CDH8: variants seen among roughly 807,000 people sequenced by gnomAD.
CDH8 encodes the protein cadherin-8.
Under a neutral mutation model 68.1 loss-of-function variants are expected in CDH8, and 17 were observed. The observed-to-expected ratio is 0.25, with a 90% CI of 0.17 to 0.37. The LOEUF is 0.37. CDH8 is among the 10% of genes least tolerant of loss of function. CDH8 has a pLI of 1.00. For missense variants in CDH8, 763 were observed against 999.3 expected (o/e 0.76, Z 3.19); for synonymous variants, 372 against 365.1 (o/e 1.02, Z -0.21).
chr16:61,803,310 A>G, intron 7 of CDH8, among the ~76,000 whole-genome samples: 1 of 134,352 alleles, frequency 7.4e-6, no homozygotes. Flanking sequence ...AGAGCTCCTG[A>G]AGGAAGCGCT....
chr16:62,017,666 C>T (rs1462945900), intron 2 of CDH8, among the ~76,000 whole-genome samples: 1 of 152,110 alleles, frequency 6.6e-6, no homozygotes, highest in African/African-American at 2.4e-5. Flanking sequence ...CAGAGCAAGA[C>T]CTTATCTTAA....
At position 61,834,926 on chromosome 16, in the gene CDH8, G is replaced by A. The variant is rs1315651884; in HGVS notation, c.668-9747C>T. 4.0e-5 allele frequency among the ~76,000 whole-genome samples: 6 copies of A among 151,802 alleles called. No individual in the cohort carries two copies. The East Asian group carries it at 9.7e-4, about 25-fold the overall frequency. On this transcript the variant is annotated intron_variant, in intron 4 of 11. Transcript: ENST00000577390. ...CCTGCAGCTGTGGCGTCCAAATCTTGGTCTTTAGAAACTTAATTATAAAAT... is the reference window on the plus strand; with the variant it reads ...CCTGCAGCTGTGGCGTCCAAATCTTAGTCTTTAGAAACTTAATTATAAAAT...
chr16:61,845,153 T>C (rs1160728889), intron 4 of CDH8, among the ~76,000 whole-genome samples: 1 of 152,168 alleles, frequency 6.6e-6, no homozygotes, highest in Non-Finnish European at 1.5e-5. Flanking sequence ...AAGTCTTTTC[T>C]ATCATTATAA....
intron 8 of CDH8, among the ~76,000 whole-genome samples, chr16:61,741,553 G>A (rs915329475): frequency 6.6e-6 from 1 of 151,864 alleles, no homozygotes; most frequent in Non-Finnish European, 1.5e-5. Context: ...TTATATTGAC[G>A]GTTGGAAGCA....
chr16:61,744,571 T>C (rs936565363), intron 8 of CDH8, among the ~76,000 whole-genome samples: 9 of 151,882 alleles, frequency 5.9e-5, no homozygotes, highest in Admixed American at 2.6e-4. Context: ...ACTATATGGG[T>C]TTGGATTTCT....
chr16:61,960,038 A>AT lies in CDH8; in HGVS notation c.253-58566_253-58565insA, dbSNP rs1430572344. ...TATACACACATACACACACACACACAACATATATGTATGTATGTGTGTGTG... is the reference window on the plus strand; with the variant it reads ...TATACACACATACACACACACACACATACATATATGTATGTATGTGTGTGTG... On this transcript the variant is annotated intron_variant, in intron 2 of 11. Coordinates refer to ENST00000577390, the MANE Select transcript of CDH8 (RefSeq NM_001796.5). Among the ~76,000 whole-genome samples the AT allele has an allele frequency of 7.8e-5, 8 of 103,058 alleles. 1 individual carries two copies. The highest frequency in any genetic ancestry group is 3.5e-4 in the African/African-American group (8 of 22,558). The allele number at this position is 103,058 out of a possible 152,430, so 67.6% of individuals were successfully genotyped here.
At chr16:61,694,172 T>C (rs1457923515) in intron 10 of CDH8, among the ~76,000 whole-genome samples, 1 of 152,156 alleles carries the variant, frequency 6.6e-6, no homozygotes, top group African/African-American at 2.4e-5. Context: ...ACACTGCATC[T>C]TGGCAAAGGG....
At chr16:61,967,235 A>G (rs1965266215) in intron 2 of CDH8, among the ~76,000 whole-genome samples, 1 of 152,198 alleles carries the variant, frequency 6.6e-6, no homozygotes, top group African/African-American at 2.4e-5. Flanking sequence ...GCCATCTTAG[A>G]AGAGATAAAA....
At chr16:61,948,464 G>T (rs1964835490) in intron 2 of CDH8, among the ~76,000 whole-genome samples, 1 of 152,100 alleles carries the variant, frequency 6.6e-6, no homozygotes, top group African/African-American at 2.4e-5. Flanking sequence ...TGGAAAATAT[G>T]CTGTCCCCCA....
intron 1 of CDH8, among the ~76,000 whole-genome samples, chr16:62,023,578 G>C (rs762558338): frequency 1.3e-5 from 2 of 152,164 alleles, no homozygotes; most frequent in Non-Finnish European, 2.9e-5. Flanking sequence ...GTGATGACAG[G>C]ATTCCTGCCC....
At chr16:62,025,622 A>G (rs1457123622) in intron 1 of CDH8, among the ~76,000 whole-genome samples, 1 of 152,130 alleles carries the variant, frequency 6.6e-6, no homozygotes, top group Admixed American at 6.5e-5. Flanking sequence ...AGACTGAAAC[A>G]CTTATATGCC....
intron 4 of CDH8, among the ~76,000 whole-genome samples, chr16:61,828,446 A>G (rs2143002736): frequency 6.6e-6 from 1 of 151,742 alleles, no homozygotes; most frequent in African/African-American, 2.4e-5. Flanking sequence ...GCATCCAAGA[A>G]CCCTCTTTTG....
rs762559369 is a variant in CDH8, at chr16:61,655,696, C to T, written c.1680G>A (p.Lys560=). 11 of 1,613,778 alleles carry T rather than the reference C, an allele frequency of 6.8e-6. No homozygotes were observed. The East Asian group carries it at 2.2e-4, about 33-fold the overall frequency. The change falls in exon 11 of 12, where the codon AAG becomes AAA. Residue 560 remains lysine, a synonymous_variant. Coordinates refer to ENST00000577390, the MANE Select transcript of CDH8 (RefSeq NM_001796.5). ...GCTTCTGGCGGTTGAATCCATTATG[C>T]TTTGCCAAAATACTGAGGGAATTAT... The part of the protein sequence containing the change: ...NEDNSLSILA[K]HNGFNRQKQE...
intron 2 of CDH8, among the ~76,000 whole-genome samples, chr16:62,002,604 A>T (rs1016493107): frequency 6.6e-6 from 1 of 152,208 alleles, no homozygotes; most frequent in Non-Finnish European, 1.5e-5. Context: ...TTGCAAGAGG[A>T]TTATAAAATG....
chr16:61,758,983 T>C (rs941551534), intron 8 of CDH8, among the ~76,000 whole-genome samples: 1 of 152,104 alleles, frequency 6.6e-6, no homozygotes, highest in African/African-American at 2.4e-5. Context: ...AACTCCCACA[T>C]GCTTAGCATT....
intron 4 of CDH8, among the ~76,000 whole-genome samples, chr16:61,843,951 T>G (rs1962742777): frequency 6.6e-6 from 1 of 152,134 alleles, no homozygotes; most frequent in South Asian, 2.1e-4. Context: ...GGTATCTCAT[T>G]GTGGTTTTGA....
chr16:61,794,124 TC>T (rs756476347), intron 7 of CDH8, among the ~76,000 whole-genome samples: 11 of 152,070 alleles, frequency 7.2e-5, no homozygotes, highest in Non-Finnish European at 1.3e-4. Flanking sequence ...AGCTTCCATC[TC>T]CCAAGTTCTT....
At chr16:61,852,241 C>T (rs1315402937) in intron 4 of CDH8, among the ~76,000 whole-genome samples, 1 of 152,030 alleles carries the variant, frequency 6.6e-6, no homozygotes, top group African/African-American at 2.4e-5. Context: ...CTCCGAAACA[C>T]AGTTTTGTCA....
chr16:61,941,106 T>G (rs1964717190), intron 2 of CDH8, among the ~76,000 whole-genome samples: 1 of 152,198 alleles, frequency 6.6e-6, no homozygotes, highest in Non-Finnish European at 1.5e-5. Context: ...AAGATTGCTT[T>G]CCAACAATTG....
Sources: gnomAD v4.1 joint callset for allele counts (sites outside exome capture counted in the v4.1 genomes callset) on GRCh38, gnomAD v4.1.1 for gene constraint, MANE v1.5 for transcripts, NCBI Gene and HGNC (gene_info 2026-07-23, HGNC 2026-07-21) for gene names.